Variants in FBLN2 observed in about 807,000 individuals in gnomAD.
The protein encoded by FBLN2 is fibulin 2, also known as fibulin-2.
In FBLN2, 81 loss-of-function variants were observed where a neutral mutation model predicts 123.7. That is an observed-to-expected ratio of 0.65 (90% CI 0.55 to 0.79). The LOEUF is 0.79. Ranked by LOEUF, FBLN2 falls within the 30% of genes least tolerant of loss-of-function variation. FBLN2 has a pLI of 0.00. For missense variants in FBLN2, 1,603 were observed against 1,681.3 expected, an observed-to-expected ratio of 0.95 and a Z score of 0.81; for synonymous variants, 699 against 701.4, an observed-to-expected ratio of 1.00 and a Z score of 0.05.
intron 1 of FBLN2, among the ~76,000 whole-genome samples, chr3:13,550,729 C>T (rs898654603): frequency 3.3e-5 from 5 of 152,140 alleles, no homozygotes; most frequent in Non-Finnish European, 5.9e-5. Flanking sequence ...GAGCTACTCC[C>T]CTGGGGTGCA....
chr3:13,631,120 C>T (rs556637121), intron 15 of FBLN2, among the ~76,000 whole-genome samples: 1 of 152,308 alleles, frequency 6.6e-6, no homozygotes, highest in South Asian at 2.1e-4. Flanking sequence ...GTAGCAGTCA[C>T]GGAGCAGCCC....
intron 2 of FBLN2, among the ~76,000 whole-genome samples, chr3:13,572,052 G>GC (rs1703981940): frequency 6.6e-6 from 1 of 152,222 alleles, no homozygotes; most frequent in Non-Finnish European, 1.5e-5. Flanking sequence ...CAGCTGCCCC[G>GC]GTGGCTGGCC....
At chr3:13,616,401 T>C (rs75069123) in intron 5 of FBLN2, among the ~76,000 whole-genome samples, 4,383 of 152,216 alleles carry the variant, frequency 0.029, 196 homozygotes, top group African/African-American at 0.099. Context: ...GAGGGTGAGC[T>C]GAGCCTGAAT....
rs753003441 is a variant in FBLN2, at chr3:13,636,483, G to A, written c.3253G>A (p.Glu1085Lys). The A allele has an allele frequency of 2.5e-5, 40 of 1,613,468 alleles. No homozygotes were observed. The highest frequency in any genetic ancestry group is 1.3e-4 in the East Asian group (6 of 44,850). The change falls in exon 17 of 18, where the codon GAG (glutamate) becomes AAG (lysine). Residue 1085 changes from glutamate to lysine, a missense_variant. Transcript: ENST00000404922. ...TGCACTGGGTACCCACAACTGTTCCGAGGCTGAGACCTGCCACAACATCCA... is the reference window on the plus strand; with the variant it reads ...TGCACTGGGTACCCACAACTGTTCCAAGGCTGAGACCTGCCACAACATCCA... ...ECALGTHNCS[E>K]AETCHNIQGS...
rs760859328 is a variant in FBLN2 at position 13,618,247 on chromosome 3, G to A, written c.1901G>A (p.Gly634Asp). 6.2e-7 allele frequency: 1 copy of A among 1,613,948 alleles called. No homozygotes were observed. Among genetic ancestry groups the A allele is most frequent in the Non-Finnish European group, 8.5e-7 (1 of 1,179,910 alleles). The stretch of plus-strand genomic sequence containing the variant: ...TCTTACCACTGTGCCTGCTTTCCTG[G>A]CTTCTCACTGCAGGACGATGGCCGC... ...VGSYHCACFP[G>D]FSLQDDGRTC... The change falls in exon 6 of 18, where the codon GGC becomes GAC. Residue 634 changes from glycine to aspartate, a missense_variant. Transcript: ENST00000404922.
intron 16 of FBLN2, 70 bp from the exon 17 acceptor site, chr3:13,636,375 G>T (rs1706468821): frequency 7.0e-6 from 11 of 1,577,256 alleles, no homozygotes; most frequent in Non-Finnish European, 9.5e-6. Context: ...GGCCTTTCAT[G>T]CAGGCTGGGG....
chr3:13,638,218 G>T lies in FBLN2; in HGVS notation c.*299G>T. The T allele has an allele frequency of 1.7e-6, 1 of 600,316 alleles. No homozygotes were observed. 37.2% of individuals were successfully genotyped at this position (600,316 alleles called of 1,614,324 possible). A position where few individuals can be genotyped will look rare whatever the true frequency, so the allele number is the denominator to read the frequency against. The stretch of plus-strand genomic sequence containing the variant: ...ACCAGAGACACGCGACCATGTTGGG[G>T]CTCTTGGACTCCTCTGGATGACCCG... On this transcript the variant is annotated 3_prime_UTR_variant, in exon 18 of 18. Transcript: ENST00000404922.
intron 1 of FBLN2, among the ~76,000 whole-genome samples, chr3:13,567,530 G>GT (rs1703786007): frequency 6.6e-6 from 1 of 151,898 alleles, no homozygotes; most frequent in African/African-American, 2.4e-5. Context: ...GCTAATTTTT[G>GT]TATTTCTGGT....
chr3:13,619,661 T>A, intron 7 of FBLN2, 69 bp from the exon 8 acceptor site: 1 of 1,311,848 alleles, frequency 7.6e-7, no homozygotes, highest in Admixed American at 1.9e-5. Context: ...GAGCCAGGGA[T>A]GGGGAATGAG....
At position 13,591,519 on chromosome 3, in the gene FBLN2, C is replaced by T. The variant is rs147955912; in HGVS notation, c.1307-16543C>T. 7.4e-3 allele frequency among the ~76,000 whole-genome samples: 1,120 copies of T among 152,352 alleles called. 10 individuals carry two copies. The highest frequency in any genetic ancestry group is 0.025 in the African/African-American group (1,040 of 41,570). On this transcript the variant is annotated intron_variant, in intron 2 of 17. Transcript: ENST00000404922. ...GCCAGGCTGCCCTTGAACTCCTGAC[C>T]TCAAGTGATCCACCTACCTCAGCCT... is the stretch of plus-strand genomic sequence containing the variant.
chr3:13,613,579 G>T (rs1265220106), intron 4 of FBLN2, among the ~76,000 whole-genome samples: 3 of 152,188 alleles, frequency 2.0e-5, no homozygotes, highest in East Asian at 1.9e-4. Flanking sequence ...GAGCAAAAAC[G>T]ATGTACTTGA....
At chr3:13,634,212 C>T (rs985436327) in intron 16 of FBLN2, among the ~76,000 whole-genome samples, 2 of 152,218 alleles carry the variant, frequency 1.3e-5, no homozygotes, top group Admixed American at 6.5e-5. Context: ...TGCTCTGTCA[C>T]CCACTTTTGC....
At chr3:13,603,648 T>C (rs544646277) in intron 2 of FBLN2, among the ~76,000 whole-genome samples, 20 of 152,322 alleles carry the variant, frequency 1.3e-4, no homozygotes, top group African/African-American at 4.3e-4. Flanking sequence ...GATGGACGTT[T>C]GGGTTGGTTC....
Position 13,618,919 on chromosome 3 carries a change from A to T in FBLN2, c.1955A>T (p.Gln652Leu), listed in dbSNP as rs1034136152. The T allele has an allele frequency of 6.2e-7, 1 of 1,612,920 alleles. No individual in the cohort carries two copies. Among genetic ancestry groups the T allele is most frequent in the East Asian group, 2.2e-5 (1 of 44,878 alleles). Reference sequence around the variant, plus strand: ...CCCATGACAGAGGGTCACCCTCCACAGCCGGAAGCCCCACAGGAGCCTGCA... The same window carrying T: ...CCCATGACAGAGGGTCACCCTCCACTGCCGGAAGCCCCACAGGAGCCTGCA... ...RTCRPEGHPP[Q>L]PEAPQEPALK... The change falls in exon 7 of 18, where the codon CAG becomes CTG. Residue 652 changes from glutamine to leucine, a missense_variant. By Grantham distance (113) the Gln-to-Leu change is moderately radical. Coordinates refer to ENST00000404922, the MANE Select transcript of FBLN2 (RefSeq NM_001004019.2).
chr3:13,623,775 AT>A (rs1705934350), intron 9 of FBLN2, among the ~76,000 whole-genome samples: 1 of 152,170 alleles, frequency 6.6e-6, no homozygotes, highest in Non-Finnish European at 1.5e-5. Flanking sequence ...CAGTTTCCTC[AT>A]CTGTGAATGA....
chr3:13,591,146 C>A (rs1218900385), intron 2 of FBLN2, among the ~76,000 whole-genome samples: 1 of 152,216 alleles, frequency 6.6e-6, no homozygotes, highest in Non-Finnish European at 1.5e-5. Flanking sequence ...TTTGCCTTCT[C>A]TTACAAGTTA....
chr3:13,577,222 C>CA (rs34445954), intron 2 of FBLN2, among the ~76,000 whole-genome samples: 8,669 of 59,618 alleles, frequency 0.15, 464 homozygotes, highest in East Asian at 0.23. Context: ...GACTCCGTCT[C>CA]AAAAAAAAAA....
At chr3:13,622,182 A>G (rs1705877489) in intron 9 of FBLN2, among the ~76,000 whole-genome samples, 1 of 152,092 alleles carries the variant, frequency 6.6e-6, no homozygotes, top group Admixed American at 6.5e-5. Context: ...CAGGGACCCC[A>G]CCTGGGCTGC....
intron 1 of FBLN2, among the ~76,000 whole-genome samples, chr3:13,554,564 C>T (rs892539112): frequency 3.1e-4 from 48 of 152,392 alleles, no homozygotes; most frequent in African/African-American, 1.1e-3. Flanking sequence ...CTGAAGATCT[C>T]GCTCATCACT....
Sources: allele counts gnomAD v4.1 joint callset (sites outside exome capture counted in the v4.1 genomes callset), GRCh38; gene constraint gnomAD v4.1.1; transcripts MANE v1.5; gene names NCBI Gene and HGNC (gene_info 2026-07-23, HGNC 2026-07-21).